Variants in SULF2 observed in about 807,000 individuals in gnomAD.
The protein encoded by SULF2 is sulfatase 2, also known as extracellular sulfatase Sulf-2.
In SULF2, 52 loss-of-function variants were observed where a neutral mutation model predicts 107.7. The ratio of observed to expected loss-of-function variants is 0.48; its 90% CI spans 0.39 to 0.61. SULF2 has a LOEUF of 0.61. SULF2 is among the 20% of genes least tolerant of loss of function. The pLI, the probability that SULF2 is intolerant of heterozygous loss-of-function variation, is 0.00. For missense variants in SULF2, 993 were observed against 1,177.3 expected (o/e 0.84, Z 2.29); for synonymous variants, 460 against 464.3 (o/e 0.99, Z 0.12).
rs1449683887 is a variant in SULF2 at position 47,657,952 on chromosome 20, T to C, written c.*410A>G. The C allele has an allele frequency of 4.7e-6, 1 of 214,224 alleles. No individual in the cohort carries two copies. Among genetic ancestry groups the C allele is most frequent in the Non-Finnish European group, 9.4e-6 (1 of 106,878 alleles). 13.3% of individuals were successfully genotyped at this position (214,224 alleles called of 1,614,324 possible). The stretch of plus-strand genomic sequence containing the variant: ...CCTTCTTTGTGACAAACCAAAAGAA[T>C]AAGAGGATTTAGAACAGGACTGCTT... On this transcript the variant is annotated 3_prime_UTR_variant, in exon 21 of 21. Coordinates refer to ENST00000688720, the MANE Select transcript of SULF2 (RefSeq NM_001387048.1).
intron 1 of SULF2, among the ~76,000 whole-genome samples, chr20:47,765,125 G>A (rs1275495748): frequency 6.6e-6 from 1 of 152,126 alleles, no homozygotes; most frequent in East Asian, 1.9e-4. Context: ...GCCAAGGCGG[G>A]CGGATCACGA....
At chr20:47,690,342 C>A in intron 4 of SULF2, 47 bp from the exon 5 acceptor site, 1 of 1,364,834 alleles carries the variant, frequency 7.3e-7, no homozygotes, top group South Asian at 2.0e-5. Flanking sequence ...GCCAGGTATT[C>A]ATACTGGTGT....
chr20:47,701,143 T>C (rs777303190), intron 4 of SULF2, among the ~76,000 whole-genome samples: 43 of 152,184 alleles, frequency 2.8e-4, no homozygotes, highest in South Asian at 2.1e-4. Context: ...CTCACAGACA[T>C]TGCGCTGGGT....
chr20:47,736,642 A>G lies in SULF2; in HGVS notation c.415+61T>C, dbSNP rs2089736585. ...GGTACCGCAGTGGTGTGCAGACCAC[A>G]CCTAGGGACGCCCGCCCTGGCTGTC... On this transcript the variant is annotated intron_variant, in intron 3 of 20. Coordinates refer to ENST00000688720, the MANE Select transcript of SULF2 (RefSeq NM_001387048.1). 14 of 1,602,382 alleles carry G rather than the reference A, an allele frequency of 8.7e-6. 2 individuals are homozygous for G. The South Asian group carries it at 1.6e-4, about 18-fold the overall frequency.
intron 3 of SULF2, among the ~76,000 whole-genome samples, chr20:47,721,401 A>C: frequency 6.7e-6 from 1 of 149,656 alleles, no homozygotes; most frequent in Non-Finnish European, 1.5e-5. Context: ...ACAGAATTTC[A>C]CTCGTTACCC....
chr20:47,697,947 G>A (rs1234930806), intron 4 of SULF2, among the ~76,000 whole-genome samples: 2 of 152,360 alleles, frequency 1.3e-5, no homozygotes, highest in Admixed American at 1.3e-4. Flanking sequence ...AGCGTGCTTA[G>A]CCCTGGGACT....
intron 18 of SULF2, chr20:47,661,526 C>T: frequency 2.9e-6 from 1 of 346,456 alleles, no homozygotes. Flanking sequence ...AAAGGGAGGA[C>T]AATGAAATGA....
intron 7 of SULF2, among the ~76,000 whole-genome samples, chr20:47,682,424 G>GC (rs2087853295): frequency 1.3e-5 from 2 of 152,232 alleles, no homozygotes; most frequent in African/African-American, 2.4e-5. Context: ...GCCGGGAACA[G>GC]TGGCCTGTCC....
intron 4 of SULF2, among the ~76,000 whole-genome samples, chr20:47,700,068 G>A (rs943771714): frequency 6.6e-6 from 1 of 152,218 alleles, no homozygotes; most frequent in Non-Finnish European, 1.5e-5. Context: ...TGTACCAGCT[G>A]TGGGGGGATG....
Position 47,745,394 on chromosome 20 carries a change from A to G in SULF2, c.176-8452T>C, listed in dbSNP as rs1266389733. 4.2e-3 allele frequency among the ~76,000 whole-genome samples: 77 copies of G among 18,222 alleles called. 4 individuals carry two copies. Among genetic ancestry groups the G allele is most frequent in the African/African-American group, 0.04 (74 of 1,862 alleles). The allele number at this position is 18,222 out of a possible 152,430, so 12.0% of individuals were successfully genotyped here. A position where few individuals can be genotyped will look rare whatever the true frequency, so the allele number is the denominator to read the frequency against. On this transcript the variant is annotated intron_variant, in intron 2 of 20. Coordinates refer to ENST00000688720, the MANE Select transcript of SULF2 (RefSeq NM_001387048.1). ...CTGAGTTTTGAGGGAAAAAAAAAAA[A>G]AAAAAAAAAAAAAAAAATATATATA...
chr20:47,678,093 C>T lies in SULF2; in HGVS notation c.1193+583G>A, dbSNP rs563997114. 6.6e-6 allele frequency: 1 copy of T among 152,522 alleles called. No individual in the cohort carries two copies. The highest frequency in any genetic ancestry group is 2.4e-5 in the African/African-American group (1 of 41,592). 9.4% of individuals were successfully genotyped at this position (152,522 alleles called of 1,614,324 possible). On this transcript the variant is annotated intron_variant, in intron 8 of 20. Transcript: ENST00000688720. This position sits in a 1 kb window ranked among gnomAD's most constrained non-coding sequence, Gnocchi z 4.5. ...CCACCTCCCACCTGTCTGACTTGCT[C>T]ACCCTCACGGTTCCTATTCTGCCTC...
chr20:47,666,337 G>C lies in SULF2; in HGVS notation c.1728C>G (p.Asp576Glu), dbSNP rs971817687. 5.6e-6 allele frequency: 9 copies of C among 1,614,118 alleles called. No homozygotes were observed. Among genetic ancestry groups the C allele is most frequent in the Non-Finnish European group, 7.6e-6 (9 of 1,180,062 alleles). ...HWPGAPEDQD[D>E]KDGGDFSGTG... is the part of the protein sequence containing the mutation. The stretch of plus-strand genomic sequence containing the variant: ...TGCCACTGAAGTCCCCACCATCCTT[G>C]TCATCTTGGTCCTCAGGGGCCCCTG... The change falls in exon 12 of 21, where the codon GAC (aspartate) becomes GAG (glutamate). Residue 576 changes from aspartate to glutamate, a missense_variant. Transcript: ENST00000688720. The surrounding 1 kb of genome is among the most constrained non-coding windows in gnomAD (Gnocchi z 5.4).
intron 1 of SULF2, among the ~76,000 whole-genome samples, chr20:47,760,818 G>A (rs539718904): frequency 2.6e-5 from 4 of 152,146 alleles, no homozygotes; most frequent in South Asian, 2.1e-4. Flanking sequence ...GGGACCAGAG[G>A]GTGAACAACA....
At chr20:47,769,635 T>C (rs1415052666) in intron 1 of SULF2, among the ~76,000 whole-genome samples, 2 of 152,142 alleles carry the variant, frequency 1.3e-5, no homozygotes, top group East Asian at 3.9e-4. Context: ...CAGCCGAGAT[T>C]TCCTGAGCAC....
chr20:47,784,500 A>G (rs1406337444), intron 1 of SULF2, among the ~76,000 whole-genome samples: 1 of 151,864 alleles, frequency 6.6e-6, no homozygotes, highest in East Asian at 1.9e-4. Flanking sequence ...GACCGAGGCC[A>G]GTGTGCAAAC....
At chr20:47,660,073 A>G (rs1209343879) in intron 18 of SULF2, among the ~76,000 whole-genome samples, 1 of 152,204 alleles carries the variant, frequency 6.6e-6, no homozygotes, top group East Asian at 1.9e-4. Flanking sequence ...AGCCCTGACC[A>G]AGTGCAGGAG....
chr20:47,776,939 A>G (rs1012405835), intron 1 of SULF2, among the ~76,000 whole-genome samples: 1 of 152,210 alleles, frequency 6.6e-6, no homozygotes, highest in African/African-American at 2.4e-5. Context: ...ATGTGCCTGT[A>G]GCTCTCCAAG....
intron 2 of SULF2, among the ~76,000 whole-genome samples, chr20:47,753,536 C>G (rs1378880669): frequency 6.6e-6 from 1 of 152,232 alleles, no homozygotes; most frequent in Non-Finnish European, 1.5e-5. Flanking sequence ...AAAAACACGA[C>G]TTGGTTTTCA....
intron 2 of SULF2, among the ~76,000 whole-genome samples, chr20:47,743,208 T>C (rs1427811955): frequency 6.6e-6 from 1 of 151,650 alleles, no homozygotes; most frequent in Non-Finnish European, 1.5e-5. Flanking sequence ...AAAGGCGGAG[T>C]CAGTAAACAC....
Sources: allele counts gnomAD v4.1 joint callset (sites outside exome capture counted in the v4.1 genomes callset), GRCh38; gene constraint gnomAD v4.1.1; non-coding constraint Gnocchi (gnomAD v3.1); transcripts MANE v1.5; gene names NCBI Gene and HGNC (gene_info 2026-07-23, HGNC 2026-07-21).